The following GRIK4 variants were observed in gnomAD, a reference collection of about 807,000 sequenced individuals.
GRIK4 encodes glutamate receptor ionotropic, kainate 4.
A neutral mutation model predicts 104.9 loss-of-function variants in GRIK4; 40 were observed. The observed-to-expected ratio is 0.38, with a 90% CI of 0.30 to 0.50. The LOEUF is 0.50. Among genes scored for constraint, GRIK4 ranks in the 20% least tolerant of loss-of-function variants. The pLI is 0.93. For synonymous variants in GRIK4, 485 were observed against 524.9 expected (o/e 0.92, Z 1.04); for missense variants, 1,047 against 1,308.1 (o/e 0.80, Z 3.08).
At position 120,815,404 on chromosome 11, in the gene GRIK4, G is replaced by A. The variant is rs761272260; in HGVS notation, c.274G>A (p.Val92Ile). 3.9e-6 allele frequency: 6 copies of A among 1,550,814 alleles called. No homozygotes were observed. The highest frequency in any genetic ancestry group is 1.4e-5 in the African/African-American group (1 of 73,124). The change falls in exon 5 of 21, where the codon GTC (valine) becomes ATC (isoleucine). Residue 92 changes from valine to isoleucine, a missense_variant. Around this residue, in one of 3 missense-constraint regions of GRIK4, gnomAD observed 447 missense variants for 514.9 expected, o/e 0.87. Transcript: ENST00000527524. The part of the protein sequence containing the change: ...TMCQILPKGV[V>I]AVLGPSSSPA... ...GTGTCAGATCCTCCCCAAGGGGGTG[G>A]TCGCTGTCCTCGGACCATCGTCCAG...
At chr11:120,870,643 C>G (rs1954581256) in intron 9 of GRIK4, 1 of 151,956 alleles carries the variant, frequency 6.6e-6, no homozygotes, top group African/African-American at 2.4e-5. Flanking sequence ...GGGTACTGGG[C>G]CTCCAGGCCT....
At chr11:120,840,375 T>A (rs1953682343) in intron 8 of GRIK4, among the ~76,000 whole-genome samples, 1 of 152,108 alleles carries the variant, frequency 6.6e-6, no homozygotes, top group South Asian at 2.1e-4. Flanking sequence ...AGAGACTTGA[T>A]CAGTGAAACA....
intron 3 of GRIK4, among the ~76,000 whole-genome samples, chr11:120,780,284 G>T (rs1187827904): frequency 6.6e-6 from 1 of 152,082 alleles, no homozygotes; most frequent in Non-Finnish European, 1.5e-5. Flanking sequence ...TTTTTGTCTT[G>T]CAAAACTGAA....
At chr11:120,807,548 C>A (rs1243937719) in intron 4 of GRIK4, among the ~76,000 whole-genome samples, 1 of 152,230 alleles carries the variant, frequency 6.6e-6, no homozygotes, top group Non-Finnish European at 1.5e-5. Context: ...GGCTTCCAAG[C>A]TTCTCACAGG....
chr11:120,782,912 G>T lies in GRIK4; in HGVS notation c.83-19781G>T, dbSNP rs183178645. ...CTGGCATCTACTGCATCCTCACAAG[G>T]CAGGAGGGCAAGTTTCTGCCTTCCG... On this transcript the variant is annotated intron_variant, in intron 3 of 20. Transcript: ENST00000527524. Among the ~76,000 whole-genome samples, 12 of 152,268 alleles carry T rather than the reference G, an allele frequency of 7.9e-5. No individual in the cohort carries two copies. The East Asian group carries it at 2.3e-3, about 29-fold the overall frequency.
chr11:120,911,042 A>G (rs1019974182), intron 13 of GRIK4, among the ~76,000 whole-genome samples: 1 of 152,142 alleles, frequency 6.6e-6, no homozygotes. Context: ...CCTGGAACAG[A>G]ACATGGTGGT....
chr11:120,562,348 C>T (rs966411915), intron 1 of GRIK4, among the ~76,000 whole-genome samples: 8 of 152,194 alleles, frequency 5.3e-5, no homozygotes, highest in Non-Finnish European at 7.3e-5. Context: ...ACAGGGACCC[C>T]GGCCTTGGCC....
intron 3 of GRIK4, among the ~76,000 whole-genome samples, chr11:120,791,032 A>G (rs1448501028): frequency 1.3e-5 from 2 of 149,794 alleles, no homozygotes; most frequent in African/African-American, 4.9e-5. Context: ...TGTGTAGATG[A>G]GAAATTGGGG....
chr11:120,763,807 G>A (rs1951789055), intron 3 of GRIK4, among the ~76,000 whole-genome samples: 1 of 152,188 alleles, frequency 6.6e-6, no homozygotes, highest in South Asian at 2.1e-4. Flanking sequence ...TGGTCTGAGA[G>A]ACTGTTTGTT....
intron 3 of GRIK4, among the ~76,000 whole-genome samples, chr11:120,717,778 C>T (rs2846108): frequency 0.084 from 12,814 of 152,080 alleles, 562 homozygotes; most frequent in Middle Eastern, 0.11. Flanking sequence ...GAAGCCCAGC[C>T]GCCCAGCCTG....
In GRIK4 at chr11:120,982,116, G is replaced by A. The variant is rs1363422722; in HGVS notation, c.2406G>A (p.Met802Ile). The part of the protein sequence containing the change: ...EEDHRAKGLG[M>I]ENIGGIFVVL... ...ATCACTTTCTTACAGGCCTGGGAAT[G>A]GAGAATATTGGTGGAATCTTTGTGG... Residue 802 changes from methionine to isoleucine, a missense_variant, in exon 20 of 21, where the codon ATG becomes ATA. Physicochemically the swap from Met to Ile is conservative, Grantham distance 10. This residue lies in a region of GRIK4 where 440 missense variants were observed against 652.3 expected (regional missense o/e 0.67). Coordinates refer to ENST00000527524, the MANE Select transcript of GRIK4 (RefSeq NM_014619.5). 1 of 1,599,290 alleles carries A rather than the reference G, an allele frequency of 6.3e-7. No individual in the cohort carries two copies. Among genetic ancestry groups the A allele is most frequent in the East Asian group, 2.2e-5 (1 of 44,820 alleles).
intron 9 of GRIK4, 66 bp downstream of exon 9, chr11:120,862,186 A>C: frequency 7.3e-7 from 1 of 1,368,794 alleles, no homozygotes; most frequent in Non-Finnish European, 1.0e-6. Context: ...CTGTGGGCCA[A>C]CCCCTGGGCA....
At chr11:120,899,159 G>A (rs1312452431) in intron 12 of GRIK4, among the ~76,000 whole-genome samples, 9 of 152,136 alleles carry the variant, frequency 5.9e-5, no homozygotes, top group Non-Finnish European at 2.9e-5. Context: ...GCTCATGCCT[G>A]TAGTCCTAGC....
intron 6 of GRIK4, among the ~76,000 whole-genome samples, chr11:120,830,488 C>G (rs543070507): frequency 2.0e-5 from 3 of 152,126 alleles, no homozygotes; most frequent in Non-Finnish European, 4.4e-5. Flanking sequence ...GGTGAGTAAC[C>G]TATGCAGGAA....
intron 1 of GRIK4, among the ~76,000 whole-genome samples, chr11:120,563,099 G>A (rs1032006412): frequency 6.6e-6 from 1 of 152,216 alleles, no homozygotes; most frequent in African/African-American, 2.4e-5. Flanking sequence ...CTGTCTCCCT[G>A]GGTAAAACCC....
intron 1 of GRIK4, among the ~76,000 whole-genome samples, chr11:120,578,115 A>G (rs933467517): frequency 6.6e-6 from 1 of 152,192 alleles, no homozygotes; most frequent in African/African-American, 2.4e-5. Flanking sequence ...GAACAGAGAG[A>G]CAAAGGCAGG....
intron 1 of GRIK4, among the ~76,000 whole-genome samples, chr11:120,573,937 G>C (rs1948439563): frequency 1.3e-5 from 2 of 152,210 alleles, no homozygotes; most frequent in Admixed American, 6.5e-5. Flanking sequence ...TCGGGCTCCT[G>C]CTGATTCATC....
chr11:120,604,693 T>C (rs1309742851), intron 1 of GRIK4, among the ~76,000 whole-genome samples: 1 of 152,198 alleles, frequency 6.6e-6, no homozygotes, highest in Non-Finnish European at 1.5e-5. Context: ...AAGCCAGAGC[T>C]GGAGAAAACA....
rs1422902834 is a variant in GRIK4 at position 120,549,361 on chromosome 11, C to T, written c.-159+37474C>T. On this transcript the variant is annotated intron_variant, in intron 1 of 20. Transcript: ENST00000527524. The surrounding 1 kb of genome is among the most constrained non-coding windows in gnomAD (Gnocchi z 4.7). ...GACCTCATGATGCACCCACCTTGGA[C>T]TCCCAAAGTGCTGGAATTATAGGCG... is the stretch of plus-strand genomic sequence containing the variant. 6.6e-6 allele frequency among the ~76,000 whole-genome samples: 1 copy of T among 152,180 alleles called. No homozygotes were observed.
Sources: gnomAD v4.1 joint callset for allele counts (sites outside exome capture counted in the v4.1 genomes callset) on GRCh38, gnomAD v4.1.1 for gene constraint, gnomAD v4.1.1 regional missense constraint, Gnocchi (gnomAD v3.1) non-coding constraint, MANE v1.5 for transcripts, NCBI Gene and HGNC (gene_info 2026-07-23, HGNC 2026-07-21) for gene names.